The following CEP57L1 variants were observed in gnomAD, a reference collection of about 807,000 sequenced individuals.
The protein encoded by CEP57L1 is centrosomal protein 57 like 1.
CEP57L1 carries 37 observed loss-of-function variants against 61.0 expected under a neutral mutation model. The ratio of observed to expected loss-of-function variants is 0.61; its 90% CI spans 0.47 to 0.80. The LOEUF (loss-of-function observed/expected upper bound fraction) is 0.80, where lower values mean the gene tolerates loss of function less well. CEP57L1 is among the 30% of genes least tolerant of loss of function. The probability of loss-of-function intolerance (pLI) is 0.00; values close to 1 mark genes in which losing one functional copy is unlikely to be tolerated. For synonymous variants in CEP57L1, 137 were observed against 162.3 expected (o/e 0.84, Z 1.19); for missense variants, 422 against 524.7 (o/e 0.80, Z 1.91).
At position 109,171,973 on chromosome 6, in the gene CEP57L1, C is replaced by T. The variant is rs971703362; in HGVS notation, c.*9003C>T. ...CTCAGTGTTTTATCTCGGGTGGTCC[C>T]CAAGACCACCTTCAGGATCAGTGAT... On this transcript the variant is annotated 3_prime_UTR_variant, in exon 11 of 11. Coordinates refer to ENST00000517392, the MANE Select transcript of CEP57L1 (RefSeq NM_001271852.3). Among the ~76,000 whole-genome samples the T allele has an allele frequency of 5.9e-5, 9 of 151,980 alleles. No individual in the cohort carries two copies. The highest frequency in any genetic ancestry group is 7.4e-5 in the Non-Finnish European group (5 of 67,990).
intron 3 of CEP57L1, 90 bp downstream of exon 3, chr6:109,147,027 T>C: frequency 1.6e-5 from 16 of 1,002,776 alleles, no homozygotes; most frequent in Non-Finnish European, 2.2e-5. Flanking sequence ...TGTACTCAGA[T>C]ATCTTTATTC....
intron 1 of CEP57L1, among the ~76,000 whole-genome samples, chr6:109,128,740 C>T (rs142478158): frequency 2.6e-5 from 4 of 152,330 alleles, no homozygotes; most frequent in African/African-American, 9.6e-5. Flanking sequence ...TCACTAGGAT[C>T]TATCATCGTT....
chr6:109,139,483 CTT>C (rs1378077518), intron 1 of CEP57L1, among the ~76,000 whole-genome samples: 2 of 145,240 alleles, frequency 1.4e-5, no homozygotes, highest in Non-Finnish European at 1.5e-5. Flanking sequence ...TTTCTTTTTT[CTT>C]TTTTTTTTTG....
intron 8 of CEP57L1, 33 bp downstream of exon 8, chr6:109,159,135 A>G (rs756451860): frequency 1.9e-6 from 3 of 1,614,020 alleles, no homozygotes; most frequent in Non-Finnish European, 2.5e-6. Context: ...TAGTCGTTCA[A>G]AAAAACTCCT....
In CEP57L1 at chr6:109,162,841, C is replaced by T. The variant is rs368041501; in HGVS notation, c.1254C>T (p.Asn418=). The T allele has an allele frequency of 2.5e-6, 4 of 1,612,970 alleles. No homozygotes were observed. The African/African-American group carries it at 5.3e-5, about 22-fold the overall frequency. ...ACAGCTACCCTAAAGGATCAAAGAA[C>T]ATAAAAAATAGCCCCAGAAAATGTT... ...QEDSYPKGSK[N]IKNSPRKCLT... The change falls in exon 11 of 11, where the codon AAC becomes AAT. Residue 418 remains asparagine, a synonymous_variant. Transcript: ENST00000517392.
chr6:109,121,786 A>G (rs1773001141), intron 1 of CEP57L1, among the ~76,000 whole-genome samples: 1 of 152,192 alleles, frequency 6.6e-6, no homozygotes, highest in Admixed American at 6.5e-5. Context: ...ATTTAGAGGA[A>G]TTATAAATAT....
At chr6:109,129,330 G>A (rs916710015) in intron 1 of CEP57L1, 2 of 1,117,696 alleles carry the variant, frequency 1.8e-6, no homozygotes, top group Non-Finnish European at 2.2e-6. Context: ...TCTTCACTTG[G>A]ATATAATAAT....
chr6:109,121,397 A>C (rs924458156), intron 1 of CEP57L1, among the ~76,000 whole-genome samples: 1 of 152,164 alleles, frequency 6.6e-6, no homozygotes, highest in African/African-American at 2.4e-5. Context: ...TTAAGAAAAG[A>C]CTGCTTTTCT....
At chr6:109,107,162 ATAAAT>A (rs1043181824) in intron 1 of CEP57L1, among the ~76,000 whole-genome samples, 1 of 152,216 alleles carries the variant, frequency 6.6e-6, no homozygotes, top group African/African-American at 2.4e-5. Context: ...TGTGAACCTA[ATAAAT>A]TAGACTTATA....
At chr6:109,100,483 C>T (rs755726501) in intron 1 of CEP57L1, among the ~76,000 whole-genome samples, 1 of 151,108 alleles carries the variant, frequency 6.6e-6, no homozygotes, top group African/African-American at 2.4e-5. Flanking sequence ...GAGACCAGCT[C>T]GGCCAAGATG....
At chr6:109,161,697 CACTT>C (rs1773732549) in intron 10 of CEP57L1, among the ~76,000 whole-genome samples, 2 of 152,088 alleles carry the variant, frequency 1.3e-5, no homozygotes, top group Non-Finnish European at 2.9e-5. Context: ...ACAACTTGTA[CACTT>C]ACTTGAAATT....
At chr6:109,151,115 T>C (rs1413095274) in intron 4 of CEP57L1, among the ~76,000 whole-genome samples, 3 of 152,216 alleles carry the variant, frequency 2.0e-5, no homozygotes, top group African/African-American at 4.8e-5. Context: ...ATGGCTTATA[T>C]GTTAGGAAGA....
intron 1 of CEP57L1, among the ~76,000 whole-genome samples, chr6:109,119,066 G>GT (rs756872411): frequency 3.3e-5 from 5 of 152,142 alleles, no homozygotes; most frequent in African/African-American, 7.2e-5. Flanking sequence ...CTGATAAACT[G>GT]TGTCTTACAT....
intron 1 of CEP57L1, among the ~76,000 whole-genome samples, chr6:109,137,747 G>A (rs1436084051): frequency 6.6e-6 from 1 of 152,224 alleles, no homozygotes; most frequent in African/African-American, 2.4e-5. Context: ...TATGGATAGA[G>A]TGGGGAACAA....
chr6:109,159,485 T>C, intron 9 of CEP57L1, 23 bp downstream of exon 9: 1 of 1,600,570 alleles, frequency 6.2e-7, no homozygotes. Flanking sequence ...ATTCTTTTTT[T>C]TTTTCAAGAG....
In CEP57L1 at chr6:109,160,645, C is replaced by A; in HGVS notation, c.1090C>A (p.Leu364Ile). The change falls in exon 10 of 11, where the codon CTA becomes ATA. Residue 364 changes from leucine (L) to isoleucine (I), a missense_variant. By Grantham distance (5) the Leu-to-Ile change is conservative. Transcript: ENST00000517392. ...HSVCDDIECELECLLKKMEIK... is the reference protein window; with the variant it reads ...HSVCDDIECEIECLLKKMEIK... The stretch of plus-strand genomic sequence containing the variant: ...AGTCTGTGACGACATAGAATGTGAA[C>A]TAGAGTGTTTACTCAAGAAAATGGA... The A allele has an allele frequency of 6.2e-7, 1 of 1,608,332 alleles. No individual in the cohort carries two copies. Among genetic ancestry groups the A allele is most frequent in the South Asian group, 1.1e-5 (1 of 89,814 alleles).
At chr6:109,095,905 G>A (rs1432337040) in intron 1 of CEP57L1, among the ~76,000 whole-genome samples, 1 of 152,112 alleles carries the variant, frequency 6.6e-6, no homozygotes, top group Non-Finnish European at 1.5e-5. Context: ...TGGGATCTCC[G>A]CGCATTTGCA....
chr6:109,160,783 G>A (rs948814264), intron 10 of CEP57L1, 67 bp downstream of exon 10: 8 of 1,481,476 alleles, frequency 5.4e-6, no homozygotes, highest in Middle Eastern at 2.5e-4. Flanking sequence ...TTGTATCTCT[G>A]TATGACTTTC....
At chr6:109,095,264 A>C, upstream of CEP57L1, 1 of 985,692 alleles carries the variant, frequency 1.0e-6, no homozygotes, top group Non-Finnish European at 1.2e-6. Flanking sequence ...AAGACGTAGA[A>C]GTACACTGAG....
Sources: gnomAD v4.1 joint callset for allele counts (sites outside exome capture counted in the v4.1 genomes callset) on GRCh38, gnomAD v4.1.1 for gene constraint, MANE v1.5 for transcripts, NCBI Gene and HGNC (gene_info 2026-07-23, HGNC 2026-07-21) for gene names.